SLC35F5: variants seen among roughly 807,000 people sequenced by gnomAD.
SLC35F5 encodes HCV NS5A-transactivated protein 3.
In SLC35F5, 54 loss-of-function variants were observed where a neutral mutation model predicts 68.6. The observed-to-expected ratio is 0.79, with a 90% confidence interval of 0.63 to 0.99. The LOEUF is 0.99. SLC35F5 is among the 50% of genes least tolerant of loss of function. SLC35F5 has a pLI of 0.00. For missense variants in SLC35F5, 567 were observed against 626.9 expected (o/e 0.90, Z 1.02); for synonymous variants, 211 against 205.2 (o/e 1.03, Z -0.24).
rs1294658790 is a variant in SLC35F5 at position 113,756,364 on chromosome 2, G to A, written c.40+6C>T. ...GTGATGTCGGGGCCCTTCCCTGCCTGCCTACCTGGCCTTCCTGCCCCGCGA... is the reference window on the plus strand; with the variant it reads ...GTGATGTCGGGGCCCTTCCCTGCCTACCTACCTGGCCTTCCTGCCCCGCGA... On this transcript the variant is annotated splice_donor_region_variant and intron_variant, in intron 1 of 15. Coordinates refer to ENST00000245680, the MANE Select transcript of SLC35F5 (RefSeq NM_025181.5). 5 of 1,571,554 alleles carry A rather than the reference G, an allele frequency of 3.2e-6. No homozygotes were observed. The Admixed American group carries it at 5.5e-5, about 17-fold the overall frequency.
intron 15 of SLC35F5, chr2:113,717,527 G>A: frequency 2.8e-6 from 1 of 356,072 alleles, no homozygotes; most frequent in Non-Finnish European, 5.1e-6. Flanking sequence ...AGGTTCTACT[G>A]TAATCCCATT....
At chr2:113,704,411 G>A (rs949601872), downstream of SLC35F5, among the ~76,000 whole-genome samples, 52 of 152,348 alleles carry the variant, frequency 3.4e-4, no homozygotes, top group African/African-American at 1.0e-3. Context: ...CCAGTCCCGC[G>A]CCCTGCGCCC....
rs1455359343 is a variant in SLC35F5, at chr2:113,714,890, C to T, written c.*328G>A. 6.6e-6 allele frequency: 1 copy of T among 152,470 alleles called. No individual in the cohort carries two copies. The highest frequency in any genetic ancestry group is 2.4e-5 in the African/African-American group (1 of 41,408). 9.4% of individuals were successfully genotyped at this position (152,470 alleles called of 1,614,324 possible). A position where few individuals can be genotyped will look rare whatever the true frequency, so the allele number is the denominator to read the frequency against. ...AGCATTTAACATGTGAAAATAAAGT[C>T]CCAGAACATTAGGATTTATTCCTTG... On this transcript the variant is annotated 3_prime_UTR_variant, in exon 16 of 16. Coordinates refer to ENST00000245680, the MANE Select transcript of SLC35F5 (RefSeq NM_025181.5).
Position 113,743,795 on chromosome 2 carries a change from C to T in SLC35F5, c.481-1G>A. The T allele has an allele frequency of 6.3e-7, 1 of 1,593,158 alleles. No individual in the cohort carries two copies. Among genetic ancestry groups the T allele is most frequent in the African/African-American group, 1.3e-5 (1 of 74,528 alleles). On this transcript the variant is annotated splice_acceptor_variant, in intron 5 of 15. Coordinates refer to ENST00000245680, the MANE Select transcript of SLC35F5 (RefSeq NM_025181.5). LOFTEE classifies it high-confidence loss of function. ...TCACAGGCACATACAGAGGTTCACT[C>T]TGGAATGTAACAGAAAAAAATATAA...
intron 7 of SLC35F5, among the ~76,000 whole-genome samples, chr2:113,736,211 A>T (rs112826355): frequency 1.5e-3 from 223 of 151,758 alleles, no homozygotes; most frequent in African/African-American, 4.1e-3. Flanking sequence ...TGGGAGGCTG[A>T]GGTGGGTGGA....
rs1686901191 is a variant in SLC35F5, at chr2:113,709,406, T to C, written c.*5812A>G. 6.6e-6 allele frequency among the ~76,000 whole-genome samples: 1 copy of C among 152,228 alleles called. No individual in the cohort carries two copies. The highest frequency in any genetic ancestry group is 2.1e-4 in the South Asian group (1 of 4,832). On this transcript the variant is annotated 3_prime_UTR_variant, in exon 16 of 16. Coordinates refer to ENST00000245680, the MANE Select transcript of SLC35F5 (RefSeq NM_025181.5). The stretch of plus-strand genomic sequence containing the variant: ...ACCTGAGAGGAATCTTAAAAGATAC[T>C]GAATTTCGCTTCTCACTTTATAGCT...
chr2:113,715,326 C>T (rs532593916), intron 15 of SLC35F5, 131 bp from the exon 16 acceptor site: 5 of 152,304 alleles, frequency 3.3e-5, no homozygotes, highest in Admixed American at 3.3e-4. Flanking sequence ...TACTTAATAA[C>T]TGGATACTCA....
Position 113,719,237 on chromosome 2 carries a change from T to A in SLC35F5, c.1413A>T (p.Leu471=). Residue 471 remains leucine (L), a synonymous_variant, in exon 14 of 16, where the codon CTA becomes CTT. Coordinates refer to ENST00000245680, the MANE Select transcript of SLC35F5 (RefSeq NM_025181.5). Reference sequence around the variant, plus strand: ...CAGGATCCCAATTATTATAATGGCATAGGAGAGTTACAATAAAAAATGAAA... The same window carrying A: ...CAGGATCCCAATTATTATAATGGCAAAGGAGAGTTACAATAAAAAATGAAA... ...VFFSFFIVTL[L]CHYNNWDPVM... 1 of 1,604,374 alleles carries A rather than the reference T, an allele frequency of 6.2e-7. No homozygotes were observed. The highest frequency in any genetic ancestry group is 1.7e-4 in the Middle Eastern group (1 of 5,832).
At position 113,755,794 on chromosome 2, in the gene SLC35F5, A is replaced by T. The variant is rs1676959586; in HGVS notation, c.41-250T>A. 11 of 1,484,796 alleles carry T rather than the reference A, an allele frequency of 7.4e-6. No homozygotes were observed. In the South Asian group the frequency reaches 1.3e-4, roughly 18 times the overall value. The allele number at this position is 1,484,796 out of a possible 1,614,324, so 92.0% of individuals were successfully genotyped here. A position where few individuals can be genotyped will look rare whatever the true frequency, so the allele number is the denominator to read the frequency against. ...TAATATACAACATACGGCACATTTAAGAACAGTTAACTACCAGAAAATAGC... is the reference window on the plus strand; with the variant it reads ...TAATATACAACATACGGCACATTTATGAACAGTTAACTACCAGAAAATAGC... On this transcript the variant is annotated intron_variant, in intron 1 of 15. Transcript: ENST00000245680.
intron 4 of SLC35F5, among the ~76,000 whole-genome samples, chr2:113,747,954 T>C (rs1676576050): frequency 6.6e-6 from 1 of 152,034 alleles, no homozygotes; most frequent in Admixed American, 6.6e-5. Flanking sequence ...TAGCCGGGCA[T>C]GGTGGCGGGC....
downstream of SLC35F5, chr2:113,705,304 A>C (rs1431948578): frequency 6.6e-6 from 1 of 152,484 alleles, no homozygotes; most frequent in African/African-American, 2.4e-5. Context: ...CTATAATCCC[A>C]GCACTTTGGG....
chr2:113,743,926 T>A, intron 5 of SLC35F5, 132 bp from the exon 6 acceptor site: 1 of 568,358 alleles, frequency 1.8e-6, no homozygotes, highest in East Asian at 2.9e-5. Context: ...TAAACAGCAA[T>A]TTTCAAGACT....
intron 5 of SLC35F5, among the ~76,000 whole-genome samples, chr2:113,745,130 T>C (rs1298123774): frequency 6.6e-6 from 1 of 152,212 alleles, no homozygotes; most frequent in East Asian, 1.9e-4. Context: ...CTAGAGCAAT[T>C]TGACATATCC....
chr2:113,710,782 A>AAAAAG lies in SLC35F5; in HGVS notation c.*4435_*4436insCTTTT, dbSNP rs1686960112. Among the ~76,000 whole-genome samples, 1 of 151,826 alleles carries AAAAAG rather than the reference A, an allele frequency of 6.6e-6. No homozygotes were observed. ...GAGACCCCATCTCAAAAAAAAAAAA[A>AAAAAG]GAATTTCATCTCATGTCAAAAATAA... On this transcript the variant is annotated 3_prime_UTR_variant, in exon 16 of 16. Transcript: ENST00000245680.
intron 7 of SLC35F5, 81 bp downstream of exon 7, chr2:113,742,611 C>T (rs2104462416): frequency 7.2e-7 from 1 of 1,381,610 alleles, no homozygotes; most frequent in East Asian, 2.3e-5. Context: ...TCTCACACTT[C>T]AATCCTATAT....
chr2:113,755,900 T>C (rs1275817025), intron 1 of SLC35F5: 2 of 1,550,636 alleles, frequency 1.3e-6, no homozygotes, highest in Non-Finnish European at 8.7e-7. Context: ...GTCTAGACAC[T>C]GTTTCTAAAA....
chr2:113,756,266 C>A lies in SLC35F5; in HGVS notation c.40+104G>T, dbSNP rs936315441. On this transcript the variant is annotated intron_variant, in intron 1 of 15. Transcript: ENST00000245680. ...CCCTAGAGACCTTCACGGTTTCGGT[C>A]AAGGCGCTCCTGCTGCCACCGAGGG... The A allele has an allele frequency of 7.1e-6, 11 of 1,541,484 alleles. No homozygotes were observed. The African/African-American group carries it at 9.6e-5, about 13-fold the overall frequency.
rs1261584506 is a variant in SLC35F5, at chr2:113,707,661, G to A, written c.*7557C>T. Among the ~76,000 whole-genome samples, 3 of 152,138 alleles carry A rather than the reference G, an allele frequency of 2.0e-5. No homozygotes were observed. Among genetic ancestry groups the A allele is most frequent in the Non-Finnish European group, 4.4e-5 (3 of 68,024 alleles). ...TGCAACCTCTGCCTCTTGGGTTCAA[G>A]CGATTCTCCTACCTCAGCCTCACAA... On this transcript the variant is annotated 3_prime_UTR_variant, in exon 16 of 16. Transcript: ENST00000245680.
In SLC35F5 at chr2:113,734,655, A is replaced by G. The variant is rs757906828; in HGVS notation, c.851T>C (p.Leu284Pro). 6.2e-7 allele frequency: 1 copy of G among 1,603,706 alleles called. No homozygotes were observed. The highest frequency in any genetic ancestry group is 8.5e-7 in the Non-Finnish European group (1 of 1,172,404). The change falls in exon 9 of 16, where the codon CTT becomes CCT. Residue 284 changes from leucine (L) to proline (P), a missense_variant. Leu to Pro is a moderately conservative substitution (Grantham distance 98). Coordinates refer to ENST00000245680, the MANE Select transcript of SLC35F5 (RefSeq NM_025181.5). ...SSTSGLFTLI[L>P]AAVFPSNSGD... ...ACTGTTACTTGGAAATACTGCAGCA[A>G]GGATTAAGGTAAAAAGTCCTATGAG...
Sources: allele counts gnomAD v4.1 joint callset (sites outside exome capture counted in the v4.1 genomes callset), GRCh38; gene constraint gnomAD v4.1.1; transcripts MANE v1.5; gene names NCBI Gene and HGNC (gene_info 2026-07-23, HGNC 2026-07-21).